MTR: variants seen among roughly 807,000 people sequenced by gnomAD.
The protein encoded by MTR is methionine synthase.
MTR carries 84 observed loss-of-function variants against 154.8 expected under a neutral mutation model. That is an observed-to-expected ratio of 0.54 (90% CI 0.45 to 0.65). The LOEUF (loss-of-function observed/expected upper bound fraction) is 0.65, where lower values mean the gene tolerates loss of function less well. MTR is among the 30% of genes least tolerant of loss of function. The pLI is 0.00. For synonymous variants in MTR, 554 were observed against 553.9 expected, an observed-to-expected ratio of 1.00 and a Z score of 0.00; for missense variants, 1,275 against 1,570.2, an observed-to-expected ratio of 0.81 and a Z score of 3.18.
chr1:236,876,733 A>G (rs1278620881), intron 24 of MTR, among the ~76,000 whole-genome samples: 1 of 152,172 alleles, frequency 6.6e-6, no homozygotes, highest in Non-Finnish European at 1.5e-5. Context: ...ATTGAGAAGC[A>G]ACGTGACTAG....
At chr1:236,881,341 A>T (rs777683663) in intron 25 of MTR, among the ~76,000 whole-genome samples, 9 of 152,082 alleles carry the variant, frequency 5.9e-5, no homozygotes, top group Non-Finnish European at 1.2e-4. Flanking sequence ...TTTCTCTTTC[A>T]GTGAAGCCTA....
chr1:236,870,351 C>T (rs1665057511), intron 22 of MTR, among the ~76,000 whole-genome samples: 1 of 152,222 alleles, frequency 6.6e-6, no homozygotes, highest in South Asian at 2.1e-4. Context: ...CTGATCTCTC[C>T]TTCTGGGAGT....
intron 15 of MTR, among the ~76,000 whole-genome samples, chr1:236,840,870 C>T (rs993964227): frequency 6.6e-6 from 1 of 152,060 alleles, no homozygotes. Flanking sequence ...TTTTTAGAGT[C>T]AGTTCATTGG....
intron 27 of MTR, among the ~76,000 whole-genome samples, chr1:236,887,562 TTAA>T (rs1666084066): frequency 6.6e-6 from 1 of 152,204 alleles, no homozygotes; most frequent in South Asian, 2.1e-4. Context: ...TCTGTTTGGA[TTAA>T]TTCAAACATC....
Position 236,886,446 on chromosome 1 carries a change from C to T in MTR, c.2851+79C>T, listed in dbSNP as rs375110939. The T allele has an allele frequency of 2.4e-4, 328 of 1,377,304 alleles. 1 individual carries two copies. The South Asian group carries it at 3.7e-3, about 15-fold the overall frequency. 85.3% of individuals were successfully genotyped at this position (1,377,304 alleles called of 1,614,324 possible). A position where few individuals can be genotyped will look rare whatever the true frequency, so the allele number is the denominator to read the frequency against. On this transcript the variant is annotated intron_variant, in intron 27 of 32. Coordinates refer to ENST00000366577, the MANE Select transcript of MTR (RefSeq NM_000254.3). ...TGAGGAAATACATGCATTTACTTGG[C>T]TGCAAAATCAAACCAGCAGCTAACG...
chr1:236,809,422 T>G (rs58389599), intron 4 of MTR, among the ~76,000 whole-genome samples: 12,467 of 152,238 alleles, frequency 0.082, 1,032 homozygotes, highest in African/African-American at 0.21. Flanking sequence ...GAAATATATG[T>G]AGCCCCTTAA....
Position 236,899,608 on chromosome 1 carries a change from TA to T in MTR, c.*1967del, listed in dbSNP as rs2147972537. 6.6e-6 allele frequency: 1 copy of T among 152,290 alleles called. No homozygotes were observed. The highest frequency in any genetic ancestry group is 1.9e-4 in the East Asian group (1 of 5,190). 9.4% of individuals were successfully genotyped at this position (152,290 alleles called of 1,614,324 possible). A position where few individuals can be genotyped will look rare whatever the true frequency, so the allele number is the denominator to read the frequency against. On this transcript the variant is annotated 3_prime_UTR_variant, in exon 33 of 33. Transcript: ENST00000366577. ...GGGCAGGAAAGAATCTCTTGAGACA[TA>T]AAGTAGTAATCATAAAGGACAAGAT...
chr1:236,842,240 C>G (rs1663294817), intron 15 of MTR, among the ~76,000 whole-genome samples: 1 of 152,152 alleles, frequency 6.6e-6, no homozygotes. Context: ...TTTCTATTCT[C>G]TGGAGGCTTT....
chr1:236,861,100 T>TTTTTTTTTTTTTTTG, intron 19 of MTR, 25 bp from the exon 20 acceptor site: 2 of 1,355,180 alleles, frequency 1.5e-6, no homozygotes, highest in East Asian at 2.6e-5. Context: ...TCTTTTTCTT[T>TTTTTTTTTTTTTTTG]TTTTTTTTTT....
chr1:236,866,423 A>ATC (rs1664827579), intron 22 of MTR, among the ~76,000 whole-genome samples: 1 of 152,094 alleles, frequency 6.6e-6, no homozygotes, highest in Non-Finnish European at 1.5e-5. Flanking sequence ...GCCATTCCCC[A>ATC]TCTCTCTCCC....
chr1:236,806,732 A>T (rs1178594627), intron 3 of MTR, among the ~76,000 whole-genome samples: 1 of 152,172 alleles, frequency 6.6e-6, no homozygotes, highest in Non-Finnish European at 1.5e-5. Flanking sequence ...CCATTAAACA[A>T]TACCTTCCCA....
In MTR at chr1:236,874,723, T is replaced by C. The variant is rs771491872; in HGVS notation, c.2474-3T>C. 6.5e-7 allele frequency: 1 copy of C among 1,537,506 alleles called. No individual in the cohort carries two copies. The highest frequency in any genetic ancestry group is 8.8e-7 in the Non-Finnish European group (1 of 1,141,100). On this transcript the variant is annotated splice_region_variant and splice_polypyrimidine_tract_variant and intron_variant, in intron 23 of 32. Coordinates refer to ENST00000366577, the MANE Select transcript of MTR (RefSeq NM_000254.3). Reference sequence around the variant, plus strand: ...CTTTTTTTTTTAAAAAAAAAAAAAATAGATATAATTGGCCTGTCAGGACTC... The same window carrying C: ...CTTTTTTTTTTAAAAAAAAAAAAAACAGATATAATTGGCCTGTCAGGACTC...
chr1:236,819,850 C>T, intron 8 of MTR: 1 of 770,538 alleles, frequency 1.3e-6, no homozygotes, highest in Non-Finnish European at 2.4e-6. Context: ...AAAAACCCTG[C>T]TGATGTCAGT....
chr1:236,852,279 G>A lies in MTR; in HGVS notation c.1696-242G>A, dbSNP rs535845604. On this transcript the variant is annotated intron_variant, in intron 16 of 32. Transcript: ENST00000366577. Reference sequence around the variant, plus strand: ...TGCGTGTGTGTGTGTGTGTGTGTACGCGCGTGTTCTCCTTAGGGAGATTGG... The same window carrying A: ...TGCGTGTGTGTGTGTGTGTGTGTACACGCGTGTTCTCCTTAGGGAGATTGG... 7.4e-5 allele frequency among the ~76,000 whole-genome samples: 11 copies of A among 148,902 alleles called. No homozygotes were observed. In the South Asian group the frequency reaches 1.9e-3, roughly 26 times the overall value.
In MTR at chr1:236,795,322, T is replaced by C. The variant is rs937379006; in HGVS notation, c.-382T>C. ...TAACCGCGCTCTGAAAGGTTCTAAA[T>C]GTCTGCGGGGCTCAGAGCCGGATGT... On this transcript the variant is annotated 5_prime_UTR_variant, in exon 1 of 33. It removes an upstream start codon present in the reference 5' UTR. Transcript: ENST00000366577. 2.4e-6 allele frequency: 3 copies of C among 1,272,072 alleles called. No homozygotes were observed. In the East Asian group the frequency reaches 1.5e-4, roughly 63 times the overall value. The allele number at this position is 1,272,072 out of a possible 1,614,324, so 78.8% of individuals were successfully genotyped here.
intron 1 of MTR, 80 bp from the exon 2 acceptor site, chr1:236,803,348 A>G (rs1326885855): frequency 1.5e-6 from 2 of 1,327,110 alleles, no homozygotes; most frequent in East Asian, 2.4e-5. Context: ...GGAGATTATT[A>G]TAAATTTCTC....
At chr1:236,866,683 T>C (rs1441581126) in intron 22 of MTR, among the ~76,000 whole-genome samples, 2 of 152,128 alleles carry the variant, frequency 1.3e-5, no homozygotes, top group African/African-American at 2.4e-5. Flanking sequence ...TTAAAGGAAA[T>C]CTAAAATGCT....
At chr1:236,862,372 C>G (rs192551675) in intron 21 of MTR, 29 bp downstream of exon 21, 1,533 of 1,578,052 alleles carry the variant, frequency 9.7e-4, no homozygotes, top group Non-Finnish European at 1.0e-3. Context: ...GCCTATGGGC[C>G]TTTAGTGGGT....
chr1:236,845,965 A>G (rs184824231), intron 15 of MTR, among the ~76,000 whole-genome samples: 1 of 152,350 alleles, frequency 6.6e-6, no homozygotes, highest in Admixed American at 6.5e-5. Flanking sequence ...CAAATGGGAA[A>G]CTACTGTTGC....
Sources: allele counts gnomAD v4.1 joint callset (sites outside exome capture counted in the v4.1 genomes callset), GRCh38; gene constraint gnomAD v4.1.1; transcripts MANE v1.5; gene names NCBI Gene and HGNC (gene_info 2026-07-23, HGNC 2026-07-21).